LYPD6B: variants seen among roughly 807,000 people sequenced by gnomAD.
LYPD6B encodes the protein LY6/PLAUR domain containing 6B.
LYPD6B carries 17 observed loss-of-function variants against 22.8 expected under a neutral mutation model. The observed-to-expected ratio is 0.75, with a 90% confidence interval of 0.51 to 1.12. The LOEUF is 1.12. Ranked by LOEUF, LYPD6B falls within the 50% of genes most tolerant of loss-of-function variation. The probability of loss-of-function intolerance (pLI) is 0.00; values close to 1 mark genes in which losing one functional copy is unlikely to be tolerated. For synonymous variants in LYPD6B, 106 were observed against 91.6 expected (o/e 1.16, Z -0.90); for missense variants, 221 against 258.3 (o/e 0.86, Z 0.99).
chr2:149,073,580 A>G (rs1258321806), intron 1 of LYPD6B, among the ~76,000 whole-genome samples: 1 of 152,062 alleles, frequency 6.6e-6, no homozygotes, highest in Non-Finnish European at 1.5e-5. Context: ...TGAGTAGAGC[A>G]TTAGGAAGAT....
chr2:149,151,258 C>T (rs1234773003), intron 2 of LYPD6B, among the ~76,000 whole-genome samples: 1 of 152,012 alleles, frequency 6.6e-6, no homozygotes, highest in Non-Finnish European at 1.5e-5. Context: ...AAGAATTCTC[C>T]AGTCTCCTGG....
At chr2:149,144,083 T>C (rs964595) in intron 2 of LYPD6B, 76,706 of 151,862 alleles carry the variant, frequency 0.51, 19,944 homozygotes, top group South Asian at 0.68. Context: ...GTACTTATCA[T>C]TGTGTTAGAA....
intron 1 of LYPD6B, among the ~76,000 whole-genome samples, chr2:149,042,706 G>A (rs115803877): frequency 0.017 from 2,583 of 152,090 alleles, 58 homozygotes; most frequent in African/African-American, 0.059. Context: ...TAAGTCAGGC[G>A]GTGAGAAGTA....
chr2:149,117,799 A>G (rs945527158), intron 1 of LYPD6B, among the ~76,000 whole-genome samples: 1 of 152,182 alleles, frequency 6.6e-6, no homozygotes, highest in African/African-American at 2.4e-5. Flanking sequence ...AAAGTACTCC[A>G]AAATTTAGTG....
intron 1 of LYPD6B, among the ~76,000 whole-genome samples, chr2:149,039,870 A>G (rs1248604931): frequency 6.6e-6 from 1 of 152,102 alleles, no homozygotes; most frequent in African/African-American, 2.4e-5. Flanking sequence ...ATCATTACCC[A>G]TCGTATTTGT....
intron 3 of LYPD6B, among the ~76,000 whole-genome samples, chr2:149,202,750 C>A (rs1236235781): frequency 1.3e-5 from 2 of 152,160 alleles, no homozygotes; most frequent in Non-Finnish European, 2.9e-5. Context: ...TTTTGTCTCA[C>A]ACTGAGATTA....
At chr2:149,181,037 G>C (rs866965559) in intron 3 of LYPD6B, among the ~76,000 whole-genome samples, 21 of 152,078 alleles carry the variant, frequency 1.4e-4, no homozygotes, top group Admixed American at 5.9e-4. Flanking sequence ...ATAAAATTTT[G>C]TCAAAGATCC....
intron 1 of LYPD6B, among the ~76,000 whole-genome samples, chr2:149,053,188 AG>A (rs1479831709): frequency 6.6e-6 from 1 of 152,198 alleles, no homozygotes. Context: ...ATACATATGG[AG>A]GTAAGATAGA....
At chr2:149,080,774 G>A (rs188254049) in intron 1 of LYPD6B, among the ~76,000 whole-genome samples, 204 of 149,460 alleles carry the variant, frequency 1.4e-3, no homozygotes, top group Middle Eastern at 0.01. Context: ...CCTGGGAGGT[G>A]GAGGTTGCAG....
At chr2:149,041,919 A>G (rs1210476919) in intron 1 of LYPD6B, among the ~76,000 whole-genome samples, 3 of 152,198 alleles carry the variant, frequency 2.0e-5, no homozygotes, top group Non-Finnish European at 4.4e-5. Context: ...GGCTCACTCT[A>G]TGGTGGCAAT....
chr2:149,155,788 A>G (rs1225299995), intron 2 of LYPD6B, among the ~76,000 whole-genome samples: 3 of 152,226 alleles, frequency 2.0e-5, no homozygotes, highest in Non-Finnish European at 4.4e-5. Context: ...GCTATAGGTC[A>G]AACATTGTCT....
In LYPD6B at chr2:149,148,161, C is replaced by A. The variant is rs182073709; in HGVS notation, c.6-12603C>A. Among the ~76,000 whole-genome samples the A allele has an allele frequency of 1.8e-4, 28 of 152,254 alleles. No homozygotes were observed. In the East Asian group the frequency reaches 5.0e-3, roughly 27 times the overall value. On this transcript the variant is annotated intron_variant, in intron 2 of 6. Coordinates refer to ENST00000409642, the MANE Select transcript of LYPD6B (RefSeq NM_177964.5). Reference sequence around the variant, plus strand: ...GCATTTTCCTTTCTGAATTGAGCAGCTGCATGTGAAAATTGATTTAACATG... The same window carrying A: ...GCATTTTCCTTTCTGAATTGAGCAGATGCATGTGAAAATTGATTTAACATG...
chr2:149,053,184 A>G (rs13382667), intron 1 of LYPD6B, among the ~76,000 whole-genome samples: 34,642 of 152,176 alleles, frequency 0.23, 4,044 homozygotes, highest in South Asian at 0.29. Context: ...ATACATACAT[A>G]TGGAGGTAAG....
chr2:149,083,985 G>A (rs929258879), intron 1 of LYPD6B, among the ~76,000 whole-genome samples: 4 of 151,700 alleles, frequency 2.6e-5, no homozygotes, highest in African/African-American at 9.7e-5. Context: ...AGTGGCATGC[G>A]CCTGTAGTCC....
chr2:149,161,034 A>G (rs1407503143), intron 3 of LYPD6B, among the ~76,000 whole-genome samples, 199 bp downstream of exon 3: 1 of 152,136 alleles, frequency 6.6e-6, no homozygotes, highest in African/African-American at 2.4e-5. Context: ...TTAAGTTACA[A>G]TTCTGGTGAA....
rs1303605914 is a variant in LYPD6B, at chr2:149,098,780, T to TTTA, written c.-66-32103_-66-32102insTTA. The stretch of plus-strand genomic sequence containing the variant: ...TGTGCTTTTTCTTTTTTTTTTTTTT[T>TTTA]ATCACACTGCCTTGCAGTGGAAAGT... On this transcript the variant is annotated intron_variant, in intron 1 of 6. Coordinates refer to ENST00000409642, the MANE Select transcript of LYPD6B (RefSeq NM_177964.5). Among the ~76,000 whole-genome samples, 141 of 151,100 alleles carry TTTA rather than the reference T, an allele frequency of 9.3e-4. No homozygotes were observed. The Middle Eastern group carries it at 0.024, about 26-fold the overall frequency.
chr2:149,141,027 C>A (rs1688659512), intron 2 of LYPD6B, among the ~76,000 whole-genome samples: 1 of 152,150 alleles, frequency 6.6e-6, no homozygotes, highest in African/African-American at 2.4e-5. Flanking sequence ...TAAATAAAGT[C>A]CCTGTTCTCA....
At chr2:149,062,641 A>G (rs1215293754) in intron 1 of LYPD6B, among the ~76,000 whole-genome samples, 2 of 152,178 alleles carry the variant, frequency 1.3e-5, no homozygotes, top group East Asian at 3.9e-4. Flanking sequence ...GGCATAATTC[A>G]AAATAACCAC....
intron 3 of LYPD6B, among the ~76,000 whole-genome samples, chr2:149,183,303 G>T (rs946946861): frequency 2.0e-5 from 3 of 152,276 alleles, no homozygotes; most frequent in Admixed American, 6.5e-5. Flanking sequence ...CTAGTTTAGG[G>T]TGCGTAGACT....
Sources: allele counts gnomAD v4.1 joint callset (sites outside exome capture counted in the v4.1 genomes callset), GRCh38; gene constraint gnomAD v4.1.1; transcripts MANE v1.5; gene names NCBI Gene and HGNC (gene_info 2026-07-23, HGNC 2026-07-21).